MGAT5B: variants seen among roughly 807,000 people sequenced by gnomAD.
MGAT5B encodes alpha-1,6-mannosylglycoprotein 6-beta-N-acetylglucosaminyltransferase B.
In MGAT5B, 54 loss-of-function variants were observed where a neutral mutation model predicts 95.1. The ratio of observed to expected loss-of-function variants is 0.57; its 90% confidence interval spans 0.46 to 0.71. The LOEUF (loss-of-function observed/expected upper bound fraction) is 0.71, where lower values mean the gene tolerates loss of function less well. Among genes scored for constraint, MGAT5B ranks in the 30% least tolerant of loss-of-function variants. MGAT5B has a pLI of 0.00. For missense variants in MGAT5B, 935 were observed against 1,088.6 expected (o/e 0.86, Z 1.99); for synonymous variants, 464 against 451.0 (o/e 1.03, Z -0.36).
At chr17:76,926,816 C>T in intron 10 of MGAT5B, 86 bp downstream of exon 10, 1 of 1,498,784 alleles carries the variant, frequency 6.7e-7, no homozygotes, top group Admixed American at 1.8e-5. Flanking sequence ...GGGTCTCGCT[C>T]CTCCCTCTCT....
At position 76,940,649 on chromosome 17, in the gene MGAT5B, G is replaced by A; in HGVS notation, c.1732-83G>A. 1.9e-6 allele frequency: 3 copies of A among 1,592,800 alleles called. No homozygotes were observed. The highest frequency in any genetic ancestry group is 2.3e-5 in the South Asian group (2 of 88,322). ...CTGAGATGTGGGGCAAAAGGAGATA[G>A]GACAAGTGTATGGGGTACCTTTCTT... is the stretch of plus-strand genomic sequence containing the variant. On this transcript the variant is annotated intron_variant, in intron 14 of 17. Coordinates refer to ENST00000569840, the MANE Select transcript of MGAT5B (RefSeq NM_001199172.2). The surrounding 1 kb of genome is among the most constrained non-coding windows in gnomAD (Gnocchi z 4.3).
rs57502449 is a variant in MGAT5B at position 76,948,632 on chromosome 17, C to G, written c.2181-8C>G. On this transcript the variant is annotated splice_region_variant and splice_polypyrimidine_tract_variant and intron_variant, in intron 17 of 17. Coordinates refer to ENST00000569840, the MANE Select transcript of MGAT5B (RefSeq NM_001199172.2). Reference sequence around the variant, plus strand: ...CGCTGAGTGACGGTGCTGTGTGGTCCCTGCCAGGCTGCAGGTGCCCTGTGA... The same window carrying G: ...CGCTGAGTGACGGTGCTGTGTGGTCGCTGCCAGGCTGCAGGTGCCCTGTGA... 295,671 of 1,607,144 alleles carry G rather than the reference C, an allele frequency of 0.18. 29,383 individuals carry two copies. The highest frequency in any genetic ancestry group is 0.33 in the Admixed American group (19,693 of 58,940).
chr17:76,945,182 C>T (rs1253863324), intron 15 of MGAT5B, among the ~76,000 whole-genome samples: 1 of 152,088 alleles, frequency 6.6e-6, no homozygotes, highest in Admixed American at 6.5e-5. Context: ...GGCAGGAGTA[C>T]CCCCTTACTC....
chr17:76,921,019 G>A (rs1162498633), intron 8 of MGAT5B, among the ~76,000 whole-genome samples: 1 of 152,344 alleles, frequency 6.6e-6, no homozygotes, highest in African/African-American at 2.4e-5. Context: ...GTGGGAAGAG[G>A]TGACTTGGGA....
At chr17:76,942,781 G>A (rs534553272) in intron 15 of MGAT5B, among the ~76,000 whole-genome samples, 1 of 152,264 alleles carries the variant, frequency 6.6e-6, no homozygotes, top group East Asian at 1.9e-4. Flanking sequence ...GTACAGGTAG[G>A]CAAGGGGGCT....
chr17:76,905,731 A>C lies in MGAT5B; in HGVS notation c.856-287A>C, dbSNP rs1968500977. On this transcript the variant is annotated intron_variant, in intron 7 of 17. Coordinates refer to ENST00000569840, the MANE Select transcript of MGAT5B (RefSeq NM_001199172.2). The surrounding 1 kb of genome is among the most constrained non-coding windows in gnomAD (Gnocchi z 4.2). ...TACGTGGCTCTCACATTGCCCTTTT[A>C]TTTCTTTCAGAGCCCTTATCATTTC... is the stretch of plus-strand genomic sequence containing the variant. 7.9e-6 allele frequency among the ~76,000 whole-genome samples: 1 copy of C among 127,340 alleles called. No homozygotes were observed. Among genetic ancestry groups the C allele is most frequent in the Non-Finnish European group, 1.6e-5 (1 of 61,428 alleles). The allele number at this position is 127,340 out of a possible 152,430, so 83.5% of individuals were successfully genotyped here. A position where few individuals can be genotyped will look rare whatever the true frequency, so the allele number is the denominator to read the frequency against.
chr17:76,874,772 G>A (rs916289068), intron 2 of MGAT5B, among the ~76,000 whole-genome samples: 2 of 152,108 alleles, frequency 1.3e-5, no homozygotes, highest in Non-Finnish European at 2.9e-5. Context: ...AGAGTGCAAG[G>A]GGTGTAGGAG....
At chr17:76,904,874 A>G (rs1303357489) in intron 6 of MGAT5B, among the ~76,000 whole-genome samples, 1 of 152,156 alleles carries the variant, frequency 6.6e-6, no homozygotes, top group African/African-American at 2.4e-5. Flanking sequence ...AGTCCTGGCT[A>G]TGACCACCAC....
At chr17:76,898,584 T>A (rs1022271010) in intron 3 of MGAT5B, among the ~76,000 whole-genome samples, 9 of 152,068 alleles carry the variant, frequency 5.9e-5, no homozygotes, top group African/African-American at 1.7e-4. Flanking sequence ...ATTACAGGCG[T>A]GAGCCACTGT....
chr17:76,936,051 T>A (rs2145265757), intron 12 of MGAT5B, among the ~76,000 whole-genome samples: 1 of 151,138 alleles, frequency 6.6e-6, no homozygotes, highest in Admixed American at 6.7e-5. Context: ...TCCTCCCGCC[T>A]CAGCCTCTCA....
Position 76,882,259 on chromosome 17 carries a change from T to C in MGAT5B, c.290T>C (p.Leu97Pro). The C allele has an allele frequency of 6.2e-7, 1 of 1,613,380 alleles. No homozygotes were observed. The highest frequency in any genetic ancestry group is 1.7e-5 in the Admixed American group (1 of 59,988). Reference sequence around the variant, plus strand: ...GCCAGGCTGGAGAACAGCAGTGAGCTGCACCGGGCCGGCGGCGACCTGCAC... The same window carrying C: ...GCCAGGCTGGAGAACAGCAGTGAGCCGCACCGGGCCGGCGGCGACCTGCAC... ...ALARLENSSE[L>P]HRAGGDLHFP... Residue 97 changes from leucine (L) to proline (P), a missense_variant, in exon 3 of 18, where the codon CTG (leucine) becomes CCG (proline). Leu to Pro is a moderately conservative substitution (Grantham distance 98, BLOSUM62 -3). Coordinates refer to ENST00000569840, the MANE Select transcript of MGAT5B (RefSeq NM_001199172.2).
chr17:76,891,867 C>G (rs1022293563), intron 3 of MGAT5B, among the ~76,000 whole-genome samples: 3 of 152,052 alleles, frequency 2.0e-5, no homozygotes, highest in African/African-American at 7.2e-5. Flanking sequence ...CGGGGCCAGC[C>G]TGGTGGCTTG....
rs1203012932 is a variant in MGAT5B at position 76,946,434 on chromosome 17, C to T, written c.1907C>T (p.Ala636Val). 1.3e-6 allele frequency: 2 copies of T among 1,597,890 alleles called. No individual in the cohort carries two copies. Among genetic ancestry groups the T allele is most frequent in the South Asian group, 1.1e-5 (1 of 88,830 alleles). ...TCEGMLERIH[A>V]YIQHQDFCRA... is the part of the protein sequence containing the mutation. Reference sequence around the variant, plus strand: ...GAGGGGATGCTGGAGCGGATCCACGCCTACATCCAGCACCAGGTCAGTGAG... The same window carrying T: ...GAGGGGATGCTGGAGCGGATCCACGTCTACATCCAGCACCAGGTCAGTGAG... The change falls in exon 16 of 18, where the codon GCC becomes GTC. Residue 636 changes from alanine (A) to valine (V), a missense_variant. By Grantham distance (64) the Ala-to-Val change is moderately conservative (BLOSUM62 0). This residue lies in a region of MGAT5B where 440 missense variants were observed against 523.6 expected (regional missense o/e 0.84). Transcript: ENST00000569840.
At position 76,906,018 on chromosome 17, in the gene MGAT5B, A is replaced by G; in HGVS notation, c.856A>G (p.Ile286Val). ...LGATQRDQKQ[I>V]LVHIGFLTEE... is the part of the protein sequence containing the mutation. ...GACCCTCTGTGTTCCGCCCACCCAGATCCTGGTCCACATCGGCTTCCTGAC... is the reference window on the plus strand; with the variant it reads ...GACCCTCTGTGTTCCGCCCACCCAGGTCCTGGTCCACATCGGCTTCCTGAC... Residue 286 changes from isoleucine (I) to valine (V), a missense_variant and splice_region_variant, in exon 8 of 18, where the codon ATC becomes GTC. Physicochemically the swap from Ile to Val is conservative, Grantham distance 29 (BLOSUM62 3). Around this residue, in one of 4 missense-constraint regions of MGAT5B, gnomAD observed 243 missense variants for 305.5 expected, o/e 0.80. Transcript: ENST00000569840. The surrounding 1 kb of genome is among the most constrained non-coding windows in gnomAD (Gnocchi z 4.6). The G allele has an allele frequency of 6.2e-7, 1 of 1,601,132 alleles. No individual in the cohort carries two copies. Among genetic ancestry groups the G allele is most frequent in the Non-Finnish European group, 8.5e-7 (1 of 1,174,604 alleles).
Position 76,907,009 on chromosome 17 carries a change from C to T in MGAT5B, c.1025+822C>T, listed in dbSNP as rs940774730. 2.6e-5 allele frequency among the ~76,000 whole-genome samples: 4 copies of T among 151,946 alleles called. No individual in the cohort carries two copies. The South Asian group carries it at 8.3e-4, about 32-fold the overall frequency. The stretch of plus-strand genomic sequence containing the variant: ...GTGTCTGCCAATCTCTCTGCCTCCT[C>T]CCCAGATGAAACCTTAACTTGAACT... On this transcript the variant is annotated intron_variant, in intron 8 of 17. Coordinates refer to ENST00000569840, the MANE Select transcript of MGAT5B (RefSeq NM_001199172.2).
At chr17:76,943,457 T>G (rs1969929579) in intron 15 of MGAT5B, among the ~76,000 whole-genome samples, 1 of 152,106 alleles carries the variant, frequency 6.6e-6, no homozygotes. Context: ...GGGGAGGGCC[T>G]TAAATGCAGA....
chr17:76,903,714 C>T (rs1438911406), intron 5 of MGAT5B, among the ~76,000 whole-genome samples: 1 of 152,202 alleles, frequency 6.6e-6, no homozygotes, highest in African/African-American at 2.4e-5. Flanking sequence ...CTGGGGCCAC[C>T]ACTGGCTGCA....
intron 2 of MGAT5B, among the ~76,000 whole-genome samples, chr17:76,877,541 C>G (rs75700876): frequency 0.058 from 8,796 of 152,088 alleles, 309 homozygotes; most frequent in East Asian, 0.072. Flanking sequence ...CCCTGGGGCT[C>G]TTCTCTCAGG....
At chr17:76,885,755 C>T (rs1441678376) in intron 3 of MGAT5B, among the ~76,000 whole-genome samples, 3 of 152,188 alleles carry the variant, frequency 2.0e-5, no homozygotes, top group Non-Finnish European at 2.9e-5. Context: ...GGGTGTGTCC[C>T]GGGCCTGTGA....
Sources: allele counts gnomAD v4.1 joint callset (sites outside exome capture counted in the v4.1 genomes callset), GRCh38; gene constraint gnomAD v4.1.1; regional missense constraint gnomAD v4.1.1; non-coding constraint Gnocchi (gnomAD v3.1); transcripts MANE v1.5; gene names NCBI Gene and HGNC (gene_info 2026-07-23, HGNC 2026-07-21).